The following PRKN variants were observed in gnomAD, a reference collection of about 807,000 sequenced individuals.
The protein encoded by PRKN is parkin RBR E3 ubiquitin protein ligase, also known as E3 ubiquitin-protein ligase parkin.
A neutral mutation model predicts 59.5 loss-of-function variants in PRKN; 56 were observed. That is an observed-to-expected ratio of 0.94 (90% CI 0.76 to 1.18). PRKN has a LOEUF of 1.18. Among genes scored for constraint, PRKN ranks in the 50% most tolerant of loss-of-function variants. The pLI is 0.00. For synonymous variants in PRKN, 250 were observed against 222.1 expected, an observed-to-expected ratio of 1.13 and a Z score of -1.12; for missense variants, 657 against 596.4, an observed-to-expected ratio of 1.10 and a Z score of -1.06.
chr6:162,116,407 A>G (rs1473844402), intron 4 of PRKN, among the ~76,000 whole-genome samples: 1 of 152,210 alleles, frequency 6.6e-6, no homozygotes, highest in Non-Finnish European at 1.5e-5. Flanking sequence ...TGATTCTGGC[A>G]TGAAACAGCT....
chr6:162,161,948 G>A (rs2128316892), intron 4 of PRKN, among the ~76,000 whole-genome samples: 1 of 152,192 alleles, frequency 6.6e-6, no homozygotes, highest in East Asian at 1.9e-4. Flanking sequence ...AGGTATGCAT[G>A]TATAGGAAAA....
chr6:161,654,696 C>T (rs185882317), intron 7 of PRKN, among the ~76,000 whole-genome samples: 1 of 152,260 alleles, frequency 6.6e-6, no homozygotes, highest in Admixed American at 6.5e-5. Flanking sequence ...TGTGTATCTA[C>T]GTAGGATGTA....
intron 1 of PRKN, among the ~76,000 whole-genome samples, chr6:162,486,225 T>C (rs1792533274): frequency 6.6e-6 from 1 of 152,220 alleles, no homozygotes; most frequent in Non-Finnish European, 1.5e-5. Context: ...CATATGTATA[T>C]GTACGTATGT....
intron 4 of PRKN, among the ~76,000 whole-genome samples, chr6:162,060,837 A>G (rs1300306110): frequency 3.3e-5 from 5 of 152,234 alleles, no homozygotes; most frequent in Admixed American, 3.3e-4. Context: ...TAGTAATTTT[A>G]CTTAAACTAT....
intron 1 of PRKN, among the ~76,000 whole-genome samples, chr6:162,617,956 G>A (rs1782501303): frequency 6.6e-6 from 1 of 152,100 alleles, no homozygotes; most frequent in South Asian, 2.1e-4. Flanking sequence ...ATCATTATCA[G>A]TATTTATTCT....
Position 162,253,916 on chromosome 6 carries a change from T to G in PRKN, c.412+8609A>C, listed in dbSNP as rs7748606. 6.9e-3 allele frequency among the ~76,000 whole-genome samples: 1,049 copies of G among 152,226 alleles called. 12 individuals are homozygous for G. Among genetic ancestry groups the G allele is most frequent in the African/African-American group, 0.024 (989 of 41,516 alleles). On this transcript the variant is annotated intron_variant, in intron 3 of 11. Transcript: ENST00000366898. ...GGCCAGAGTATCACTCACCAAGCTG[T>G]GACTTTATGTTCTTTGTAACAATAA...
Position 161,378,371 on chromosome 6 carries a change from T to C in PRKN, c.1167+8423A>G, listed in dbSNP as rs531878174. On this transcript the variant is annotated intron_variant, in intron 10 of 11. Transcript: ENST00000366898. This position sits in a 1 kb window ranked among gnomAD's most constrained non-coding sequence, Gnocchi z 7.3. ...GCCCCCCAGCTCGGGCATCCCCCCATCTGCCACACCGCCAACATTCAACCT... is the reference window on the plus strand; with the variant it reads ...GCCCCCCAGCTCGGGCATCCCCCCACCTGCCACACCGCCAACATTCAACCT... Among the ~76,000 whole-genome samples the C allele has an allele frequency of 6.6e-6, 1 of 152,242 alleles. No individual in the cohort carries two copies. The highest frequency in any genetic ancestry group is 2.1e-4 in the South Asian group (1 of 4,818).
intron 1 of PRKN, among the ~76,000 whole-genome samples, chr6:162,551,847 C>G (rs1237877414): frequency 6.6e-6 from 1 of 152,156 alleles, no homozygotes; most frequent in Non-Finnish European, 1.5e-5. Context: ...AATTATTAAT[C>G]CCTACTATGT....
chr6:162,185,658 C>T (rs1783997962), intron 4 of PRKN, among the ~76,000 whole-genome samples: 1 of 152,148 alleles, frequency 6.6e-6, no homozygotes, highest in South Asian at 2.1e-4. Flanking sequence ...TAATTTTCAG[C>T]TCTTCTTATC....
chr6:161,777,271 T>C (rs1789963478), intron 7 of PRKN, among the ~76,000 whole-genome samples: 1 of 152,206 alleles, frequency 6.6e-6, no homozygotes, highest in Non-Finnish European at 1.5e-5. Flanking sequence ...TAAAATTTCA[T>C]ATCCTACCCT....
intron 5 of PRKN, among the ~76,000 whole-genome samples, chr6:161,984,113 T>C (rs1781347856): frequency 1.3e-5 from 2 of 152,022 alleles, no homozygotes; most frequent in Admixed American, 6.6e-5. Flanking sequence ...GGCTCATACA[T>C]GTGACCACAA....
chr6:161,425,654 T>C (rs1338575882), intron 9 of PRKN, among the ~76,000 whole-genome samples: 6 of 152,154 alleles, frequency 3.9e-5, no homozygotes, highest in Non-Finnish European at 7.3e-5. Context: ...AGGTGCCTCA[T>C]CACCCACTGG....
rs372383896 is a variant in PRKN at position 161,626,800 on chromosome 6, C to G, written c.872-57384G>C. ...AGCCACGGCTGGCTGGTGCCGCAGGCATTTATTCAGCACAAATTTAATGAC... is the reference window on the plus strand; with the variant it reads ...AGCCACGGCTGGCTGGTGCCGCAGGGATTTATTCAGCACAAATTTAATGAC... On this transcript the variant is annotated intron_variant, in intron 7 of 11. Transcript: ENST00000366898. Among the ~76,000 whole-genome samples the G allele has an allele frequency of 5.3e-5, 8 of 152,332 alleles. No homozygotes were observed. In the East Asian group the frequency reaches 5.8e-4, roughly 11 times the overall value.
At chr6:162,516,487 C>A (rs1777864281) in intron 1 of PRKN, among the ~76,000 whole-genome samples, 2 of 152,178 alleles carry the variant, frequency 1.3e-5, no homozygotes, top group Non-Finnish European at 2.9e-5. Context: ...TGTGGTGGCT[C>A]ACGCCAGTAA....
intron 7 of PRKN, among the ~76,000 whole-genome samples, chr6:161,665,322 T>C (rs762363305): frequency 6.6e-6 from 1 of 152,182 alleles, no homozygotes; most frequent in East Asian, 1.9e-4. Context: ...GAGGCTGACA[T>C]AGAAGAGAGT....
chr6:162,243,222 T>A (rs1471651696), intron 3 of PRKN, among the ~76,000 whole-genome samples: 1 of 152,112 alleles, frequency 6.6e-6, no homozygotes, highest in Non-Finnish European at 1.5e-5. Flanking sequence ...TCTTACAAAA[T>A]CACATTCTGC....
At chr6:161,933,018 G>A (rs1779223443) in intron 6 of PRKN, among the ~76,000 whole-genome samples, 1 of 152,184 alleles carries the variant, frequency 6.6e-6, no homozygotes, top group South Asian at 2.1e-4. Flanking sequence ...GATGGCTCAC[G>A]CCTGTAATCC....
chr6:161,502,746 G>A lies in PRKN; in HGVS notation c.1083+46108C>T, dbSNP rs1475308477. Among the ~76,000 whole-genome samples the A allele has an allele frequency of 6.6e-6, 1 of 152,158 alleles. No homozygotes were observed. Among genetic ancestry groups the A allele is most frequent in the Non-Finnish European group, 1.5e-5 (1 of 68,038 alleles). ...GACTAATGATGGTGGAGCAGTGTCG[G>A]TGAGGGTATGAGGTGGCTCTGATCC... On this transcript the variant is annotated intron_variant, in intron 9 of 11. Transcript: ENST00000366898. This position sits in a 1 kb window ranked among gnomAD's most constrained non-coding sequence, Gnocchi z 4.0.
chr6:161,446,130 T>C lies in PRKN; in HGVS notation c.1084-59253A>G, dbSNP rs1211494395. ...GGGTGGTGGTGGGGTGGTGGGAGGATCATCTGAGCCTGGGGAGGTCGAGGC... is the reference window on the plus strand; with the variant it reads ...GGGTGGTGGTGGGGTGGTGGGAGGACCATCTGAGCCTGGGGAGGTCGAGGC... On this transcript the variant is annotated intron_variant, in intron 9 of 11. Coordinates refer to ENST00000366898, the MANE Select transcript of PRKN (RefSeq NM_004562.3). The surrounding 1 kb of genome is among the most constrained non-coding windows in gnomAD (Gnocchi z 6.2). 6.6e-6 allele frequency among the ~76,000 whole-genome samples: 1 copy of C among 151,882 alleles called. No homozygotes were observed. The highest frequency in any genetic ancestry group is 1.5e-5 in the Non-Finnish European group (1 of 67,964).
Sources: allele counts gnomAD v4.1 joint callset (sites outside exome capture counted in the v4.1 genomes callset), GRCh38; gene constraint gnomAD v4.1.1; non-coding constraint Gnocchi (gnomAD v3.1); transcripts MANE v1.5; gene names NCBI Gene and HGNC (gene_info 2026-07-23, HGNC 2026-07-21).